The following ADCY5 variants were observed in gnomAD, a reference collection of about 807,000 sequenced individuals.
ADCY5 encodes adenylate cyclase type 5.
Under a neutral mutation model 119.7 loss-of-function variants are expected in ADCY5, and 30 were observed. The ratio of observed to expected loss-of-function variants is 0.25; its 90% CI spans 0.19 to 0.34. The LOEUF (loss-of-function observed/expected upper bound fraction) is 0.34, where lower values mean the gene tolerates loss of function less well. Among genes scored for constraint, ADCY5 ranks in the 10% least tolerant of loss-of-function variants. The probability of loss-of-function intolerance (pLI) is 1.00; values close to 1 mark genes in which losing one functional copy is unlikely to be tolerated. For missense variants in ADCY5, 1,324 were observed against 1,775.2 expected, an observed-to-expected ratio of 0.75 and a Z score of 4.57; for synonymous variants, 753 against 762.2, an observed-to-expected ratio of 0.99 and a Z score of 0.20.
chr3:123,390,700 C>T (rs892280699), intron 1 of ADCY5, among the ~76,000 whole-genome samples: 6 of 152,202 alleles, frequency 3.9e-5, no homozygotes, highest in Non-Finnish European at 5.9e-5. Context: ...CTCATAATCC[C>T]ATGGTGATCC....
At chr3:123,371,607 C>T (rs989786343) in intron 1 of ADCY5, among the ~76,000 whole-genome samples, 3 of 152,232 alleles carry the variant, frequency 2.0e-5, no homozygotes, top group Admixed American at 6.5e-5. Context: ...GGGCATTGCA[C>T]ATGGCAGCCG....
intron 11 of ADCY5, among the ~76,000 whole-genome samples, chr3:123,316,210 G>GA (rs1003035167): frequency 3.4e-4 from 52 of 152,182 alleles, no homozygotes; most frequent in Admixed American, 1.7e-3. Context: ...ACCTAATCAT[G>GA]AAAAAACATC....
chr3:123,328,516 C>T, intron 6 of ADCY5, 128 bp downstream of exon 6: 1 of 1,151,384 alleles, frequency 8.7e-7, no homozygotes, highest in Non-Finnish European at 1.2e-6. Context: ...CCAGCGCCCC[C>T]ACAGGTGCTT....
At chr3:123,304,035 C>T (rs750224975) in intron 13 of ADCY5, 32 bp downstream of exon 13, 25 of 1,432,882 alleles carry the variant, frequency 1.7e-5, no homozygotes, top group Admixed American at 5.0e-5. Context: ...AATGGGGCTG[C>T]GGAGGTGCTA....
chr3:123,315,930 G>A (rs1239832662), intron 11 of ADCY5, among the ~76,000 whole-genome samples: 2 of 152,124 alleles, frequency 1.3e-5, no homozygotes, highest in South Asian at 4.2e-4. Flanking sequence ...AGTACAGAAA[G>A]ATGGGGTTTT....
intron 1 of ADCY5, among the ~76,000 whole-genome samples, chr3:123,374,190 GA>G (rs1201867449): frequency 2.0e-5 from 3 of 152,112 alleles, no homozygotes; most frequent in Non-Finnish European, 4.4e-5. Context: ...GTGTGGAGGG[GA>G]AACTTTTGAA....
At chr3:123,302,825 G>C (rs190008090) in intron 14 of ADCY5, among the ~76,000 whole-genome samples, 137 of 152,322 alleles carry the variant, frequency 9.0e-4, no homozygotes, top group African/African-American at 3.2e-3. Flanking sequence ...AAGCACTATA[G>C]AAACAACAGC....
Position 123,314,241 on chromosome 3 carries a change from G to A in ADCY5, c.2436C>T (p.Cys812=), listed in dbSNP as rs752648150. The A allele has an allele frequency of 3.2e-5, 52 of 1,611,758 alleles. No individual in the cohort carries two copies. The highest frequency in any genetic ancestry group is 3.2e-5 in the Non-Finnish European group (38 of 1,178,160). The change falls in exon 12 of 21, where the codon TGC becomes TGT. Residue 812 remains cysteine, a synonymous_variant. Transcript: ENST00000462833. ...AGCTGTCAGCTACACTCACCTTTAC[G>A]CAGGAGTAGATCACAGACACAAACA... is the stretch of plus-strand genomic sequence containing the variant. The part of the protein sequence containing the change: ...LVVFVSVIYS[C]VKLFPSPLQT...
intron 1 of ADCY5, among the ~76,000 whole-genome samples, chr3:123,366,509 G>C (rs1055939725): frequency 2.0e-5 from 3 of 152,234 alleles, no homozygotes; most frequent in East Asian, 3.9e-4. Context: ...AGGGAAGGGG[G>C]GCTGGAGGTG....
chr3:123,345,769 G>GACACACACACACACAC lies in ADCY5; in HGVS notation c.1406+1997_1406+2012dup, dbSNP rs56185421. The stretch of plus-strand genomic sequence containing the variant: ...AGACAGACAGACAGACAGACAGACA[G>GACACACACACACACAC]ACACACACACACACACACACACACA... On this transcript the variant is annotated intron_variant, in intron 3 of 20. Transcript: ENST00000462833. 1.3e-3 allele frequency among the ~76,000 whole-genome samples: 145 copies of GACACACACACACACAC among 113,824 alleles called. 1 individual carries two copies. The highest frequency in any genetic ancestry group is 5.0e-3 in the African/African-American group (128 of 25,376). 74.7% of individuals were successfully genotyped at this position (113,824 alleles called of 152,430 possible). A position where few individuals can be genotyped will look rare whatever the true frequency, so the allele number is the denominator to read the frequency against.
At chr3:123,375,044 A>G (rs1048448671) in intron 1 of ADCY5, among the ~76,000 whole-genome samples, 2 of 152,180 alleles carry the variant, frequency 1.3e-5, no homozygotes, top group Non-Finnish European at 1.5e-5. Context: ...ATTACCCTCC[A>G]GAGGAATTAA....
chr3:123,354,368 G>C (rs1207045838), intron 1 of ADCY5, among the ~76,000 whole-genome samples: 5 of 152,206 alleles, frequency 3.3e-5, no homozygotes, highest in African/African-American at 1.2e-4. Flanking sequence ...AGGGAACAAA[G>C]ACCTGCGTGT....
intron 3 of ADCY5, among the ~76,000 whole-genome samples, chr3:123,333,690 C>T (rs1406679935): frequency 1.3e-5 from 2 of 152,242 alleles, no homozygotes; most frequent in Non-Finnish European, 2.9e-5. Flanking sequence ...ATCTCTCAGG[C>T]CTGCCCGTTT....
chr3:123,328,394 A>G (rs946658408), intron 6 of ADCY5, among the ~76,000 whole-genome samples: 3 of 152,158 alleles, frequency 2.0e-5, no homozygotes, highest in African/African-American at 7.2e-5. Context: ...GTTTGGGTCA[A>G]TATCTTCTGG....
At chr3:123,402,965 GA>G (rs370271271) in intron 1 of ADCY5, among the ~76,000 whole-genome samples, 2 of 151,734 alleles carry the variant, frequency 1.3e-5, no homozygotes, top group African/African-American at 2.4e-5. Flanking sequence ...GATTTAAAAA[GA>G]AAAAAAGGAA....
At chr3:123,307,659 C>T (rs945787944) in intron 12 of ADCY5, among the ~76,000 whole-genome samples, 1 of 152,154 alleles carries the variant, frequency 6.6e-6, no homozygotes, top group African/African-American at 2.4e-5. Context: ...CTCACCCCCA[C>T]CCCAACTCCT....
chr3:123,397,155 T>C (rs1944623870), intron 1 of ADCY5, among the ~76,000 whole-genome samples: 1 of 152,238 alleles, frequency 6.6e-6, no homozygotes, highest in Non-Finnish European at 1.5e-5. Context: ...GAAGGGGCCC[T>C]GCCAGCACTT....
At position 123,300,252 on chromosome 3, in the gene ADCY5, A is replaced by G. The variant is rs1379657380; in HGVS notation, c.2768T>C (p.Val923Ala). 6.2e-7 allele frequency: 1 copy of G among 1,613,668 alleles called. No individual in the cohort carries two copies. The highest frequency in any genetic ancestry group is 1.3e-5 in the African/African-American group (1 of 75,068). ...CCCGATGCAGCTGATCTGCAGGAAC[A>G]CGGAGCAGGCCAGCAGGCTGAGCAG... ...SVLLSLLACS[V>A]FLQISCIGKL... is the part of the protein sequence containing the mutation. The change falls in exon 15 of 21, where the codon GTG (valine) becomes GCG (alanine). Residue 923 changes from valine (V) to alanine (A), a missense_variant. Val to Ala is a moderately conservative substitution (Grantham distance 64). Coordinates refer to ENST00000462833, the MANE Select transcript of ADCY5 (RefSeq NM_183357.3).
chr3:123,342,785 G>A (rs777084578), intron 3 of ADCY5, among the ~76,000 whole-genome samples: 1 of 152,212 alleles, frequency 6.6e-6, no homozygotes, highest in African/African-American at 2.4e-5. Flanking sequence ...AGGAGCTCCT[G>A]TGAAAGCAGA....
Sources: allele counts gnomAD v4.1 joint callset (sites outside exome capture counted in the v4.1 genomes callset), GRCh38; gene constraint gnomAD v4.1.1; transcripts MANE v1.5; gene names NCBI Gene and HGNC (gene_info 2026-07-23, HGNC 2026-07-21).